Variants in IBTK observed in about 807,000 individuals in gnomAD.
IBTK encodes the protein inhibitor of Bruton tyrosine kinase.
Under a neutral mutation model 154.9 loss-of-function variants are expected in IBTK, and 83 were observed. That is an observed-to-expected ratio of 0.54 (90% confidence interval 0.45 to 0.64). The LOEUF (loss-of-function observed/expected upper bound fraction) is 0.64, where lower values mean the gene tolerates loss of function less well. Among genes scored for constraint, IBTK ranks in the 30% least tolerant of loss-of-function variants. The pLI is 0.00. For synonymous variants in IBTK, 515 were observed against 536.1 expected, an observed-to-expected ratio of 0.96 and a Z score of 0.54; for missense variants, 1,332 against 1,584.6, an observed-to-expected ratio of 0.84 and a Z score of 2.71.
intron 1 of IBTK, among the ~76,000 whole-genome samples, chr6:82,244,078 A>C (rs542419901): frequency 3.6e-4 from 55 of 152,216 alleles, no homozygotes; most frequent in Non-Finnish European, 6.9e-4. Context: ...AAAATGACAT[A>C]ATCTCTCCAA....
chr6:82,207,662 T>G (rs922957102), intron 16 of IBTK, among the ~76,000 whole-genome samples: 1 of 152,102 alleles, frequency 6.6e-6, no homozygotes, highest in Admixed American at 6.6e-5. Context: ...GTAGGAAAAC[T>G]CACATTTCCC....
chr6:82,214,862 A>G, intron 11 of IBTK, 33 bp from the exon 12 acceptor site: 2 of 1,516,486 alleles, frequency 1.3e-6, no homozygotes, highest in East Asian at 2.3e-5. Flanking sequence ...TTATGCTTCA[A>G]AAAATATGAA....
rs1467356854 is a variant in IBTK at position 82,170,312 on chromosome 6, C to T, written c.*1113G>A. ...TGCTTTTGGGCAGAGTTAAACCTGACATATTGAGTCAGTTTCCGTCATTTT... is the reference window on the plus strand; with the variant it reads ...TGCTTTTGGGCAGAGTTAAACCTGATATATTGAGTCAGTTTCCGTCATTTT... On this transcript the variant is annotated 3_prime_UTR_variant, in exon 29 of 29. Coordinates refer to ENST00000306270, the MANE Select transcript of IBTK (RefSeq NM_015525.4). The T allele has an allele frequency of 1.3e-5, 2 of 152,584 alleles. No individual in the cohort carries two copies. Among genetic ancestry groups the T allele is most frequent in the African/African-American group, 4.8e-5 (2 of 41,444 alleles). The allele number at this position is 152,584 out of a possible 1,614,324, so 9.5% of individuals were successfully genotyped here.
chr6:82,191,454 A>G, intron 24 of IBTK: 1 of 562,758 alleles, frequency 1.8e-6, no homozygotes, highest in Non-Finnish European at 3.1e-6. Flanking sequence ...ATAGCTACAT[A>G]TGAGCCCTCC....
chr6:82,180,078 A>G (rs2127798400), intron 26 of IBTK, among the ~76,000 whole-genome samples: 1 of 24,352 alleles, frequency 4.1e-5, no homozygotes, highest in East Asian at 1.4e-3. Context: ...ACTTAGCATA[A>G]TGTTTGACAC....
intron 1 of IBTK, among the ~76,000 whole-genome samples, chr6:82,246,011 T>C (rs1025190437): frequency 2.0e-5 from 3 of 152,182 alleles, no homozygotes; most frequent in East Asian, 1.9e-4. Context: ...ATATAATCCT[T>C]ATTATTGCCC....
chr6:82,246,324 C>T (rs1031663538), intron 1 of IBTK, among the ~76,000 whole-genome samples: 3 of 152,008 alleles, frequency 2.0e-5, no homozygotes, highest in Non-Finnish European at 4.4e-5. Flanking sequence ...CATCACCATG[C>T]CTGGCTGATT....
At chr6:82,225,804 A>C (rs1468865215) in intron 5 of IBTK, among the ~76,000 whole-genome samples, 157 bp from the exon 6 acceptor site, 1 of 152,206 alleles carries the variant, frequency 6.6e-6, no homozygotes, top group Non-Finnish European at 1.5e-5. Context: ...CAAAGGGTAG[A>C]TGAGTTTAAA....
rs576463517 is a variant in IBTK at position 82,226,022 on chromosome 6, C to T, written c.655-375G>A. On this transcript the variant is annotated intron_variant, in intron 5 of 28. Transcript: ENST00000306270. The stretch of plus-strand genomic sequence containing the variant: ...TGTTTCCCTTCGGGGAGTAGCCAAA[C>T]ATATAGTATCATATTCCTTTGGAGT... Among the ~76,000 whole-genome samples the T allele has an allele frequency of 3.3e-5, 5 of 152,170 alleles. No individual in the cohort carries two copies. In the South Asian group the frequency reaches 1.0e-3, roughly 32 times the overall value.
At chr6:82,189,586 G>A (rs1333861053) in intron 25 of IBTK, among the ~76,000 whole-genome samples, 1 of 152,140 alleles carries the variant, frequency 6.6e-6, no homozygotes, top group Non-Finnish European at 1.5e-5. Context: ...AAACACTGGA[G>A]AGAAGGGAAG....
chr6:82,186,655 A>G (rs1768567762), intron 25 of IBTK, among the ~76,000 whole-genome samples: 1 of 152,166 alleles, frequency 6.6e-6, no homozygotes, highest in Non-Finnish European at 1.5e-5. Flanking sequence ...AAAAGAGCAT[A>G]AATTACTAAT....
At position 82,240,225 on chromosome 6, in the gene IBTK, T is replaced by C; in HGVS notation, c.262A>G (p.Thr88Ala). The C allele has an allele frequency of 1.9e-6, 3 of 1,614,234 alleles. No homozygotes were observed. Among genetic ancestry groups the C allele is most frequent in the African/African-American group, 2.7e-5 (2 of 75,070 alleles). The part of the protein sequence containing the change: ...LLVKDKESGW[T>A]ALHRSIFYGH... ...TAAAAAATGCTTCTGTGCAATGCTG[T>C]CCATCCAGACTCTTTGTCTTTCACC... Residue 88 changes from threonine to alanine, a missense_variant, in exon 2 of 29, where the codon ACA (threonine) becomes GCA (alanine). By Grantham distance (58) the Thr-to-Ala change is moderately conservative. Transcript: ENST00000306270.
intron 25 of IBTK, among the ~76,000 whole-genome samples, chr6:82,186,694 G>C (rs753044550): frequency 4.6e-5 from 7 of 151,882 alleles, no homozygotes; most frequent in Non-Finnish European, 7.4e-5. Flanking sequence ...CTCTCACCTT[G>C]ATGATAATAA....
intron 3 of IBTK, among the ~76,000 whole-genome samples, chr6:82,233,712 T>TTTTTG (rs899210124): frequency 7.3e-5 from 6 of 82,428 alleles, no homozygotes; most frequent in African/African-American, 3.1e-4. Context: ...ATTTGTAAAG[T>TTTTTG]TTTTTTTTTT....
At position 82,200,210 on chromosome 6, in the gene IBTK, G is replaced by C. The variant is rs760352803; in HGVS notation, c.2956C>G (p.Pro986Ala). ...KKAKTKAKKK[P>A]RKRSDSSGGY... ...CCAGAACTATCTGAACGTTTACGTGGCTTCTTTTTAGCTTTTGTTTTTGCT... is the reference window on the plus strand; with the variant it reads ...CCAGAACTATCTGAACGTTTACGTGCCTTCTTTTTAGCTTTTGTTTTTGCT... Residue 986 changes from proline to alanine, a missense_variant, in exon 21 of 29, where the codon CCA becomes GCA. Transcript: ENST00000306270. The C allele has an allele frequency of 1.4e-5, 22 of 1,613,528 alleles. No individual in the cohort carries two copies. The Admixed American group carries it at 3.5e-4, about 26-fold the overall frequency.
Position 82,211,561 on chromosome 6 carries a change from C to G in IBTK, c.2303G>C (p.Cys768Ser). Residue 768 changes from cysteine (C) to serine (S), a missense_variant, in exon 14 of 29, where the codon TGT becomes TCT. Coordinates refer to ENST00000306270, the MANE Select transcript of IBTK (RefSeq NM_015525.4). ...ATCCACTGATTTCATGGTCACGTCA[C>G]ACAGAAATGAACTGCAAGAAAATGT... ...KLSQKKCSFL[C>S]DVTMKSVDGK... The G allele has an allele frequency of 6.2e-7, 1 of 1,612,980 alleles. No homozygotes were observed.
intron 16 of IBTK, chr6:82,205,925 G>C (rs1235149507): frequency 2.6e-5 from 4 of 151,912 alleles, no homozygotes; most frequent in Non-Finnish European, 4.4e-5. Context: ...ATCTGACACA[G>C]AAAACAGCTT....
At chr6:82,243,238 C>CAAA (rs200210329) in intron 1 of IBTK, among the ~76,000 whole-genome samples, 2 of 60,810 alleles carry the variant, frequency 3.3e-5, no homozygotes, top group Non-Finnish European at 6.8e-5. Context: ...GACTCTGTCT[C>CAAA]AAAAAAAAAA....
At chr6:82,217,061 T>C (rs7743511) in intron 10 of IBTK, among the ~76,000 whole-genome samples, 36,264 of 151,948 alleles carry the variant, frequency 0.24, 4,388 homozygotes, top group African/African-American at 0.28. Flanking sequence ...TGGAAAAAAG[T>C]GGAAAGATAT....
Sources: gnomAD v4.1 joint callset for allele counts (sites outside exome capture counted in the v4.1 genomes callset) on GRCh38, gnomAD v4.1.1 for gene constraint, MANE v1.5 for transcripts, NCBI Gene and HGNC (gene_info 2026-07-23, HGNC 2026-07-21) for gene names.